The following STYK1 variants were observed in gnomAD, a reference collection of about 807,000 sequenced individuals.
The protein encoded by STYK1 is tyrosine-protein kinase STYK1.
STYK1 carries 46 observed loss-of-function variants against 48.1 expected under a neutral mutation model. The observed-to-expected ratio is 0.96, with a 90% confidence interval of 0.75 to 1.22. STYK1 has a LOEUF of 1.22. Ranked by LOEUF, STYK1 falls within the 50% of genes most tolerant of loss-of-function variation. STYK1 has a pLI of 0.00. For synonymous variants in STYK1, 188 were observed against 189.0 expected (o/e 0.99, Z 0.04); for missense variants, 527 against 521.1 (o/e 1.01, Z -0.11).
intron 5 of STYK1, 39 bp downstream of exon 5, chr12:10,631,006 C>T: frequency 6.2e-7 from 1 of 1,605,334 alleles, no homozygotes; most frequent in African/African-American, 1.3e-5. Flanking sequence ...TTAATATTTA[C>T]TGTTAGGGGA....
At position 10,627,803 on chromosome 12, in the gene STYK1, T is replaced by A. The variant is rs923533217; in HGVS notation, c.634-79A>T. Reference sequence around the variant, plus strand: ...GAAAAGAAATAAAGTTGGGCAGAGATACTCTGAAATGCAGTTATCAAAGCT... The same window carrying A: ...GAAAAGAAATAAAGTTGGGCAGAGAAACTCTGAAATGCAGTTATCAAAGCT... On this transcript the variant is annotated intron_variant, in intron 6 of 10. Transcript: ENST00000075503. The A allele has an allele frequency of 7.6e-6, 9 of 1,190,820 alleles. No individual in the cohort carries two copies. The African/African-American group carries it at 9.3e-5, about 12-fold the overall frequency. The allele number at this position is 1,190,820 out of a possible 1,614,324, so 73.8% of individuals were successfully genotyped here.
At chr12:10,628,551 A>T (rs1240866119) in intron 6 of STYK1, among the ~76,000 whole-genome samples, 2 of 152,232 alleles carry the variant, frequency 1.3e-5, no homozygotes, top group African/African-American at 4.8e-5. Context: ...CCTATTGACA[A>T]TACAGGATGG....
chr12:10,669,716 T>C (rs1409368115), intron 1 of STYK1, among the ~76,000 whole-genome samples: 2 of 152,122 alleles, frequency 1.3e-5, no homozygotes, highest in Non-Finnish European at 2.9e-5. Flanking sequence ...GGTAGAAATA[T>C]CTGAGAAGTG....
chr12:10,648,474 T>C (rs1947624820), intron 1 of STYK1, among the ~76,000 whole-genome samples: 1 of 151,516 alleles, frequency 6.6e-6, no homozygotes, highest in Non-Finnish European at 1.5e-5. Context: ...AGTAAATGAG[T>C]TCACTGAAAC....
chr12:10,620,398 G>A, intron 10 of STYK1, 50 bp from the exon 11 acceptor site: 1 of 1,561,270 alleles, frequency 6.4e-7, no homozygotes, highest in East Asian at 2.2e-5. Context: ...CAAATGTATG[G>A]GGAGCATGTC....
At chr12:10,670,460 A>G (rs777106644) in intron 1 of STYK1, among the ~76,000 whole-genome samples, 2 of 152,190 alleles carry the variant, frequency 1.3e-5, no homozygotes, top group Non-Finnish European at 2.9e-5. Context: ...TGTTAAGTGA[A>G]ATAAGCTAGG....
intron 1 of STYK1, among the ~76,000 whole-genome samples, chr12:10,656,182 G>A (rs760117882): frequency 2.6e-5 from 4 of 152,028 alleles, no homozygotes; most frequent in African/African-American, 4.8e-5. Flanking sequence ...TTTGCCTGTC[G>A]CCCACAGGCA....
intron 1 of STYK1, among the ~76,000 whole-genome samples, chr12:10,670,997 T>TTA (rs1947885755): frequency 7.5e-6 from 1 of 132,740 alleles, no homozygotes; most frequent in Admixed American, 7.4e-5. Context: ...ATATATTGAT[T>TTA]TTTTTTTTTT....
Position 10,631,100 on chromosome 12 carries a change from A to ATT in STYK1, c.394_395dup (p.Asn132LysfsTer3). 2.5e-6 allele frequency: 4 copies of ATT among 1,614,162 alleles called. No individual in the cohort carries two copies. The highest frequency in any genetic ancestry group is 2.5e-6 in the Non-Finnish European group (3 of 1,180,038). On this transcript the variant is annotated frameshift_variant, in exon 5 of 11. Transcript: ENST00000075503. LOFTEE classifies it high-confidence loss of function. ...GCTTAGAAGGGTCCCCAGTGTTCATATTGGCTCGAAAGATGGGCCCACAGC... is the reference window on the plus strand; with the variant it reads ...GCTTAGAAGGGTCCCCAGTGTTCATATTTTGGCTCGAAAGATGGGCCCACAGC...
At chr12:10,646,726 A>AGGCCCAGAGGT (rs1947603776) in intron 1 of STYK1, among the ~76,000 whole-genome samples, 1 of 152,310 alleles carries the variant, frequency 6.6e-6, no homozygotes. Context: ...CTCTGATCAC[A>AGGCCCAGAGGT]GGCCCAGAGG....
intron 1 of STYK1, among the ~76,000 whole-genome samples, chr12:10,666,543 T>C (rs1947835470): frequency 6.6e-6 from 1 of 152,232 alleles, no homozygotes; most frequent in African/African-American, 2.4e-5. Context: ...ACTTCATATG[T>C]GGATATTACA....
At chr12:10,654,005 A>T (rs567966517) in intron 1 of STYK1, among the ~76,000 whole-genome samples, 4 of 152,214 alleles carry the variant, frequency 2.6e-5, no homozygotes, top group Non-Finnish European at 4.4e-5. Flanking sequence ...ATAAAACAGA[A>T]TGAAGTAAAG....
chr12:10,632,186 G>A (rs976801379), intron 4 of STYK1, among the ~76,000 whole-genome samples: 22 of 143,648 alleles, frequency 1.5e-4, no homozygotes, highest in Non-Finnish European at 3.0e-4. Context: ...GCAACATAGC[G>A]AGACTCCATC....
intron 1 of STYK1, among the ~76,000 whole-genome samples, chr12:10,660,258 A>G (rs1591702142): frequency 6.6e-6 from 1 of 152,156 alleles, no homozygotes; most frequent in Non-Finnish European, 1.5e-5. Context: ...AATCTTCCAG[A>G]TATTACCTTT....
chr12:10,665,835 T>C (rs764705898), intron 1 of STYK1, among the ~76,000 whole-genome samples: 13 of 152,098 alleles, frequency 8.5e-5, no homozygotes, highest in Non-Finnish European at 1.2e-4. Context: ...AGCCCCAAGG[T>C]AAGTTAAAGG....
intron 10 of STYK1, among the ~76,000 whole-genome samples, chr12:10,621,091 A>G (rs1243664503): frequency 1.3e-5 from 2 of 152,184 alleles, no homozygotes. Context: ...AGTGCTGTAA[A>G]TTTACCCATT....
chr12:10,666,124 G>A (rs1296252775), intron 1 of STYK1, among the ~76,000 whole-genome samples: 1 of 152,190 alleles, frequency 6.6e-6, no homozygotes, highest in Non-Finnish European at 1.5e-5. Context: ...AGGCTGAAGA[G>A]GTGTCAAAGA....
intron 1 of STYK1, among the ~76,000 whole-genome samples, chr12:10,660,943 A>G (rs1464705613): frequency 2.0e-5 from 3 of 152,076 alleles, no homozygotes; most frequent in African/African-American, 2.4e-5. Flanking sequence ...TACTCAGTCA[A>G]GTAACCCACA....
chr12:10,624,524 G>A (rs1406339254), intron 8 of STYK1, 127 bp downstream of exon 8: 2 of 808,736 alleles, frequency 2.5e-6, no homozygotes, highest in East Asian at 2.5e-5. Context: ...ATTTCTGCTT[G>A]AGAGTATGTC....
Sources: gnomAD v4.1 joint callset for allele counts (sites outside exome capture counted in the v4.1 genomes callset) on GRCh38, gnomAD v4.1.1 for gene constraint, MANE v1.5 for transcripts, NCBI Gene and HGNC (gene_info 2026-07-23, HGNC 2026-07-21) for gene names.